KREMEN1: variants seen among roughly 807,000 people sequenced by gnomAD.
The protein encoded by KREMEN1 is kremen protein 1.
A neutral mutation model predicts 46.5 loss-of-function variants in KREMEN1; 30 were observed. The ratio of observed to expected loss-of-function variants is 0.65; its 90% CI spans 0.48 to 0.88. The LOEUF (loss-of-function observed/expected upper bound fraction) is 0.88, where lower values mean the gene tolerates loss of function less well. Among genes scored for constraint, KREMEN1 ranks in the 40% least tolerant of loss-of-function variants. The pLI is 0.00. For missense variants in KREMEN1, 533 were observed against 596.9 expected (o/e 0.89, Z 1.11); for synonymous variants, 214 against 230.6 (o/e 0.93, Z 0.65).
chr22:29,124,443 G>A (rs1569327846), intron 4 of KREMEN1, among the ~76,000 whole-genome samples: 1 of 152,048 alleles, frequency 6.6e-6, no homozygotes, highest in South Asian at 2.1e-4. Flanking sequence ...AAAATTATTG[G>A]GGTAATGGAG....
Position 29,125,356 on chromosome 22 carries a change from G to T in KREMEN1, c.571G>T (p.Val191Phe). ...GEAASTECNS[V>F]CFGDHTQPCG... ...GGCAGCCAGTACCGAATGCAACAGC[G>T]TCTGCTTCGGGGATCACACCCAACC... Residue 191 changes from valine (V) to phenylalanine (F), a missense_variant, in exon 5 of 9, where the codon GTC (valine) becomes TTC (phenylalanine). Transcript: ENST00000400335. 6.2e-7 allele frequency: 1 copy of T among 1,614,176 alleles called. No individual in the cohort carries two copies. Among genetic ancestry groups the T allele is most frequent in the South Asian group, 1.1e-5 (1 of 91,080 alleles).
chr22:29,086,517 T>C (rs565409844), intron 1 of KREMEN1, among the ~76,000 whole-genome samples: 1 of 152,240 alleles, frequency 6.6e-6, no homozygotes, highest in East Asian at 1.9e-4. Flanking sequence ...CTCAGTGGTG[T>C]TGGGTTGGAA....
At chr22:29,163,623 C>T (rs568022733) in intron 9 of KREMEN1, among the ~76,000 whole-genome samples, 3 of 152,162 alleles carry the variant, frequency 2.0e-5, no homozygotes, top group South Asian at 2.1e-4. Flanking sequence ...GTGATCCACC[C>T]ACCTCAGCCT....
At chr22:29,146,869 G>A (rs2038873770), downstream of KREMEN1, 3 of 851,232 alleles carry the variant, frequency 3.5e-6, no homozygotes, top group African/African-American at 1.8e-5. Context: ...CAGAGAGCGT[G>A]GGACAAGCGG....
downstream of KREMEN1, among the ~76,000 whole-genome samples, chr22:29,148,931 C>T (rs576360919): frequency 3.9e-5 from 6 of 151,958 alleles, no homozygotes; most frequent in South Asian, 4.2e-4. Context: ...ATATTACCAC[C>T]GCAGACGTGG....
intron 1 of KREMEN1, among the ~76,000 whole-genome samples, chr22:29,080,540 G>C (rs564952009): frequency 1.3e-5 from 2 of 152,202 alleles, no homozygotes; most frequent in African/African-American, 4.8e-5. Flanking sequence ...GCAGATGAAG[G>C]GTTTTTGGTT....
intron 9 of KREMEN1, among the ~76,000 whole-genome samples, chr22:29,165,548 G>A (rs923184287): frequency 1.3e-5 from 2 of 152,212 alleles, no homozygotes; most frequent in Non-Finnish European, 2.9e-5. Flanking sequence ...TCTCATCTTG[G>A]AGGCTGCCGC....
Position 29,146,649 on chromosome 22 carries a change from C to A in KREMEN1, c.*4537C>A. ...TGCAACTTTGAGAATAAAATAGAAA[C>A]ATCATGTATTTTAAAATATAAGATG... On this transcript the variant is annotated 3_prime_UTR_variant, in exon 9 of 9. Transcript: ENST00000400335. The A allele has an allele frequency of 2.1e-6, 2 of 960,098 alleles. No individual in the cohort carries two copies. Among genetic ancestry groups the A allele is most frequent in the Non-Finnish European group, 1.2e-6 (1 of 806,654 alleles). 59.5% of individuals were successfully genotyped at this position (960,098 alleles called of 1,614,324 possible). A position where few individuals can be genotyped will look rare whatever the true frequency, so the allele number is the denominator to read the frequency against.
intron 3 of KREMEN1, among the ~76,000 whole-genome samples, chr22:29,120,579 G>A (rs892865445): frequency 7.5e-6 from 1 of 133,478 alleles, no homozygotes; most frequent in African/African-American, 3.0e-5. Flanking sequence ...AGGGAGAGTT[G>A]ATGATGGAAA....
At chr22:29,150,543 A>G (rs2038907282), downstream of KREMEN1, among the ~76,000 whole-genome samples, 1 of 152,194 alleles carries the variant, frequency 6.6e-6, no homozygotes, top group South Asian at 2.1e-4. Context: ...GTCTCTGTTC[A>G]AATGAGGTCA....
At chr22:29,098,019 TA>T (rs532277325) in intron 2 of KREMEN1, among the ~76,000 whole-genome samples, 183 of 152,176 alleles carry the variant, frequency 1.2e-3, no homozygotes, top group African/African-American at 4.1e-3. Flanking sequence ...CCACCTCTAC[TA>T]AAAACAAAAA....
chr22:29,114,822 A>G (rs1417539781), intron 3 of KREMEN1, among the ~76,000 whole-genome samples: 1 of 152,236 alleles, frequency 6.6e-6, no homozygotes, highest in African/African-American at 2.4e-5. Context: ...AGTTACCAAG[A>G]AATATTTAAA....
intron 3 of KREMEN1, among the ~76,000 whole-genome samples, chr22:29,116,743 A>C (rs967312535): frequency 1.3e-5 from 2 of 152,210 alleles, no homozygotes; most frequent in Non-Finnish European, 2.9e-5. Flanking sequence ...TCTTATTAAC[A>C]ACCATTAAAT....
Position 29,146,330 on chromosome 22 carries a change from G to A in KREMEN1, c.*4218G>A, listed in dbSNP as rs541492191. The A allele has an allele frequency of 2.6e-3, 2,529 of 985,868 alleles. 7 individuals carry two copies. Among genetic ancestry groups the A allele is most frequent in the South Asian group, 0.014 (295 of 21,284 alleles). 61.1% of individuals were successfully genotyped at this position (985,868 alleles called of 1,614,324 possible). A position where few individuals can be genotyped will look rare whatever the true frequency, so the allele number is the denominator to read the frequency against. ...TCTCCCCTCAGGCTGGACGGCTCCG[G>A]GGTGACAGGGCTTCACCCTCTGCCT... On this transcript the variant is annotated 3_prime_UTR_variant, in exon 9 of 9. Transcript: ENST00000400335.
Position 29,167,396 on chromosome 22 carries a change from G to A in KREMEN1, c.*290G>A, listed in dbSNP as rs547790643. 48 of 429,102 alleles carry A rather than the reference G, an allele frequency of 1.1e-4. 1 individual carries two copies. The highest frequency in any genetic ancestry group is 1.4e-4 in the Non-Finnish European group (33 of 231,182). 26.6% of individuals were successfully genotyped at this position (429,102 alleles called of 1,614,324 possible). On this transcript the variant is annotated 3_prime_UTR_variant, in exon 10 of 10. Coordinates refer to the KREMEN1 transcript ENST00000327813. ...GAAAGAAAGAGAAACGGTGTCCTCC[G>A]CACAGCCGGTCAGAACTGTGTGACT...
At chr22:29,164,199 C>T (rs1322129601) in intron 9 of KREMEN1, among the ~76,000 whole-genome samples, 1 of 152,198 alleles carries the variant, frequency 6.6e-6, no homozygotes, top group African/African-American at 2.4e-5. Flanking sequence ...AAAATGGAAA[C>T]GGCTGTTGAC....
At chr22:29,079,559 C>T (rs2037623389) in intron 1 of KREMEN1, among the ~76,000 whole-genome samples, 1 of 152,248 alleles carries the variant, frequency 6.6e-6, no homozygotes, top group Non-Finnish European at 1.5e-5. Flanking sequence ...AAGTGTCACA[C>T]CACATTAGCA....
chr22:29,112,104 C>A (rs2038162655), intron 3 of KREMEN1, among the ~76,000 whole-genome samples: 1 of 152,176 alleles, frequency 6.6e-6, no homozygotes, highest in African/African-American at 2.4e-5. Context: ...AGCTTGTTAT[C>A]CATCCTTCTT....
chr22:29,112,200 A>G (rs1424721965), intron 3 of KREMEN1, among the ~76,000 whole-genome samples: 2 of 152,106 alleles, frequency 1.3e-5, no homozygotes, highest in African/African-American at 4.8e-5. Context: ...CTACTTGACA[A>G]ATCCCTACAA....
Sources: allele counts gnomAD v4.1 joint callset (sites outside exome capture counted in the v4.1 genomes callset), GRCh38; gene constraint gnomAD v4.1.1; transcripts MANE v1.5; gene names NCBI Gene and HGNC (gene_info 2026-07-23, HGNC 2026-07-21).